The following JAK3 variants were observed in gnomAD, a reference collection of about 807,000 sequenced individuals.
JAK3 encodes Janus kinase 3, also known as tyrosine-protein kinase JAK3.
In JAK3, 88 loss-of-function variants were observed where a neutral mutation model predicts 120.8. The ratio of observed to expected loss-of-function variants is 0.73; its 90% CI spans 0.61 to 0.87. The LOEUF (loss-of-function observed/expected upper bound fraction) is 0.87, where lower values mean the gene tolerates loss of function less well. Among genes scored for constraint, JAK3 ranks in the 40% least tolerant of loss-of-function variants. The pLI, the probability that JAK3 is intolerant of heterozygous loss-of-function variation, is 0.00. For synonymous variants in JAK3, 592 were observed against 628.6 expected, an observed-to-expected ratio of 0.94 and a Z score of 0.87; for missense variants, 1,254 against 1,501.4, an observed-to-expected ratio of 0.84 and a Z score of 2.72.
At chr19:17,835,785 C>G in intron 14 of JAK3, 139 bp downstream of exon 14, 1 of 1,046,646 alleles carries the variant, frequency 9.6e-7, no homozygotes, top group South Asian at 1.4e-5. Context: ...AGTGTTCTCA[C>G]AACCTGAACC....
At chr19:17,844,131 C>T in intron 2 of JAK3, 103 bp downstream of exon 2, 1 of 1,338,896 alleles carries the variant, frequency 7.5e-7, no homozygotes, top group Non-Finnish European at 1.0e-6. Context: ...CCCAAAGCCC[C>T]AGCTCCGATG....
At chr19:17,828,108 G>A (rs2094207440) in intron 23 of JAK3, among the ~76,000 whole-genome samples, 1 of 151,994 alleles carries the variant, frequency 6.6e-6, no homozygotes, top group African/African-American at 2.4e-5. Context: ...TTTACTCATG[G>A]GTAGGCTCCT....
chr19:17,842,729 G>GCACA lies in JAK3; in HGVS notation c.567-123_567-120dup. ...GGTGCGGCCCTAGTTGGGGCACCAG[G>GCACA]CACACACAGACTCTCATTCAGGGTC... is the stretch of plus-strand genomic sequence containing the variant. On this transcript the variant is annotated intron_variant, in intron 5 of 23. Coordinates refer to ENST00000458235, the MANE Select transcript of JAK3 (RefSeq NM_000215.4). The surrounding 1 kb of genome is among the most constrained non-coding windows in gnomAD (Gnocchi z 6.4). The GCACA allele has an allele frequency of 9.3e-7, 1 of 1,076,522 alleles. No individual in the cohort carries two copies. The highest frequency in any genetic ancestry group is 2.6e-5 in the East Asian group (1 of 38,498). The allele number at this position is 1,076,522 out of a possible 1,614,324, so 66.7% of individuals were successfully genotyped here. A position where few individuals can be genotyped will look rare whatever the true frequency, so the allele number is the denominator to read the frequency against.
rs1829028364 is a variant in JAK3, at chr19:17,829,845, A to G, written c.3207+263T>C. 4 of 581,846 alleles carry G rather than the reference A, an allele frequency of 6.9e-6. No homozygotes were observed. The South Asian group carries it at 8.6e-5, about 12-fold the overall frequency. The allele number at this position is 581,846 out of a possible 1,614,324, so 36.0% of individuals were successfully genotyped here. ...GTGCTCGGCTTTGAGCTGAGCCCTC[A>G]TAGGCACAGGTGTTCAGGAGTCTAA... On this transcript the variant is annotated intron_variant, in intron 23 of 23. Transcript: ENST00000458235.
At chr19:17,827,798 A>T (rs1320555337) in intron 23 of JAK3, among the ~76,000 whole-genome samples, 6 of 136,178 alleles carry the variant, frequency 4.4e-5, no homozygotes, top group Admixed American at 7.8e-5. Context: ...GCTACTCGGG[A>T]GTCTAAGGCA....
rs3212721 is a variant in JAK3 at position 17,843,604 on chromosome 19, G to A, written c.309-113C>T. ...GCGGAGGCCTCACAGAGCCCAGCTTGTACCTTTAACTTGCTGTGTGACCTT... is the reference window on the plus strand; with the variant it reads ...GCGGAGGCCTCACAGAGCCCAGCTTATACCTTTAACTTGCTGTGTGACCTT... On this transcript the variant is annotated intron_variant, in intron 3 of 23. Coordinates refer to ENST00000458235, the MANE Select transcript of JAK3 (RefSeq NM_000215.4). This position sits in a 1 kb window ranked among gnomAD's most constrained non-coding sequence, Gnocchi z 5.4. 1 of 1,171,250 alleles carries A rather than the reference G, an allele frequency of 8.5e-7. No homozygotes were observed. Among genetic ancestry groups the A allele is most frequent in the South Asian group, 1.2e-5 (1 of 80,522 alleles). 72.6% of individuals were successfully genotyped at this position (1,171,250 alleles called of 1,614,324 possible).
At chr19:17,830,394 G>C in intron 22 of JAK3, 109 bp downstream of exon 22, 1 of 985,742 alleles carries the variant, frequency 1.0e-6, no homozygotes, top group South Asian at 1.4e-5. Flanking sequence ...ATGATGCTGG[G>C]ACCAGGTGAC....
chr19:17,839,511 C>A lies in JAK3; in HGVS notation c.1407G>T (p.Val469=). The change falls in exon 10 of 24, where the codon GTG becomes GTT. Residue 469 remains valine (V), a synonymous_variant. Coordinates refer to ENST00000458235, the MANE Select transcript of JAK3 (RefSeq NM_000215.4). ...DGGLHVDGVA[V]TLTSCCIPRP... is the part of the protein sequence containing the mutation. ...TGGGGATACAGCAGGAAGTGAGGGTCACTGCCACCCCATCTACGTGCAGCC... is the reference window on the plus strand; with the variant it reads ...TGGGGATACAGCAGGAAGTGAGGGTAACTGCCACCCCATCTACGTGCAGCC... 1 of 1,596,500 alleles carries A rather than the reference C, an allele frequency of 6.3e-7. No homozygotes were observed. Among genetic ancestry groups the A allele is most frequent in the Non-Finnish European group, 8.5e-7 (1 of 1,171,262 alleles).
chr19:17,839,400 C>T, intron 10 of JAK3, 77 bp downstream of exon 10: 2 of 1,401,422 alleles, frequency 1.4e-6, no homozygotes, highest in South Asian at 2.5e-5. Flanking sequence ...CACTTGCCAC[C>T]CACACAGGAG....
At chr19:17,847,759 A>G (rs2094255599) in intron 1 of JAK3, among the ~76,000 whole-genome samples, 187 bp downstream of exon 1, 1 of 152,220 alleles carries the variant, frequency 6.6e-6, no homozygotes, top group South Asian at 2.1e-4. Context: ...TCAAAGCCGA[A>G]GCCCAGAGAA....
intron 10 of JAK3, chr19:17,839,123 T>C (rs1427100481): frequency 1.2e-5 from 5 of 406,824 alleles, no homozygotes; most frequent in Non-Finnish European, 2.4e-5. Context: ...CAAGTGGCAC[T>C]GTGGACAACC....
chr19:17,826,753 G>A lies in JAK3; in HGVS notation c.3365C>T (p.Ser1122Phe). 6.2e-7 allele frequency: 1 copy of A among 1,614,112 alleles called. No homozygotes were observed. The highest frequency in any genetic ancestry group is 1.1e-5 in the South Asian group (1 of 91,082). The change falls in exon 24 of 24, where the codon TCC becomes TTC. Residue 1122 changes from serine to phenylalanine, a missense_variant. Transcript: ENST00000458235. Reference protein sequence around the residue: ...AHPEGKHHSLSFS With the variant: ...AHPEGKHHSLFFS ...GTCTGCGGGCAGGAGCTATGAAAAG[G>A]ACAGGGAGTGGTGTTTGCCCTCTGG...
At chr19:17,844,025 ATG>A (rs2094246182) in intron 2 of JAK3, 125 bp from the exon 3 acceptor site, 12 of 1,313,468 alleles carry the variant, frequency 9.1e-6, no homozygotes, top group Non-Finnish European at 1.3e-5. Flanking sequence ...TGTTCCCTTC[ATG>A]TGCCGTCACA....
In JAK3 at chr19:17,831,933, C is replaced by G; in HGVS notation, c.2681-135G>C. On this transcript the variant is annotated intron_variant, in intron 19 of 23. Transcript: ENST00000458235. The surrounding 1 kb of genome is among the most constrained non-coding windows in gnomAD (Gnocchi z 5.1). The stretch of plus-strand genomic sequence containing the variant: ...TGTAATATGGGAACCGCAACAATGA[C>G]ACATTGCTAATATCTCTTGAGTACT... 9.7e-7 allele frequency: 1 copy of G among 1,034,460 alleles called. No individual in the cohort carries two copies. The highest frequency in any genetic ancestry group is 1.5e-6 in the Non-Finnish European group (1 of 681,816). The allele number at this position is 1,034,460 out of a possible 1,614,324, so 64.1% of individuals were successfully genotyped here.
intron 10 of JAK3, among the ~76,000 whole-genome samples, chr19:17,838,856 C>T (rs2094230872): frequency 6.6e-6 from 1 of 151,888 alleles, no homozygotes; most frequent in Non-Finnish European, 1.5e-5. Flanking sequence ...GCTGGGACTA[C>T]AGGAGTGTGC....
chr19:17,826,909 AC>A lies in JAK3; in HGVS notation c.3208del (p.Val1070PhefsTer5). 1 of 1,608,926 alleles carries A rather than the reference AC, an allele frequency of 6.2e-7. No individual in the cohort carries two copies. Among genetic ancestry groups the A allele is most frequent in the Non-Finnish European group, 8.5e-7 (1 of 1,179,412 alleles). On this transcript the variant is annotated frameshift_variant and splice_region_variant, in exon 24 of 24. Coordinates refer to ENST00000458235, the MANE Select transcript of JAK3 (RefSeq NM_000215.4). LOFTEE classifies it low-confidence loss of function (END_TRUNC). Reference sequence around the variant, plus strand: ...CCAGCACAGCTTCATGAGCTCGTGAACCTGAGGGGCGGGGGACAGATAATGG... The same window carrying A: ...CCAGCACAGCTTCATGAGCTCGTGAACTGAGGGGCGGGGGACAGATAATGG... ...LPAPPACPAEVHELMKLCWAP... is the reference protein window; with the variant it reads ...LPAPPACPAEXHELMKLCWAP...
In JAK3 at chr19:17,843,274, A is replaced by C; in HGVS notation, c.421-102T>G. The C allele has an allele frequency of 6.5e-7, 1 of 1,534,568 alleles. No homozygotes were observed. Among genetic ancestry groups the C allele is most frequent in the Non-Finnish European group, 8.8e-7 (1 of 1,132,506 alleles). On this transcript the variant is annotated intron_variant, in intron 4 of 23. Coordinates refer to ENST00000458235, the MANE Select transcript of JAK3 (RefSeq NM_000215.4). This position sits in a 1 kb window ranked among gnomAD's most constrained non-coding sequence, Gnocchi z 5.4. The stretch of plus-strand genomic sequence containing the variant: ...ATCCTGGGCTGACCCCCACCCCTGG[A>C]CTGCCACAGGGAGGGTCAGACGAGG...
At chr19:17,829,600 T>C (rs534016395) in intron 23 of JAK3, among the ~76,000 whole-genome samples, 7 of 152,088 alleles carry the variant, frequency 4.6e-5, no homozygotes, top group African/African-American at 1.7e-4. Flanking sequence ...CTCTAAAAAA[T>C]TATTTTTAAA....
Position 17,840,287 on chromosome 19 carries a change from A to G in JAK3, c.1197T>C (p.Tyr399=). ...LKTGGSRPGS[Y]VLRRSPQDFD... is the part of the protein sequence containing the mutation. ...AGTCCTGGGGGCTGCGGCGGAGAACATAGGAGCCAGGACGTGAGCCCCCAG... is the reference window on the plus strand; with the variant it reads ...AGTCCTGGGGGCTGCGGCGGAGAACGTAGGAGCCAGGACGTGAGCCCCCAG... Residue 399 remains tyrosine (Y), a synonymous_variant, in exon 9 of 24, where the codon TAT becomes TAC. Coordinates refer to ENST00000458235, the MANE Select transcript of JAK3 (RefSeq NM_000215.4). The G allele has an allele frequency of 6.2e-7, 1 of 1,614,044 alleles. No individual in the cohort carries two copies. The highest frequency in any genetic ancestry group is 2.2e-5 in the East Asian group (1 of 44,870).
Sources: allele counts gnomAD v4.1 joint callset (sites outside exome capture counted in the v4.1 genomes callset), GRCh38; gene constraint gnomAD v4.1.1; non-coding constraint Gnocchi (gnomAD v3.1); transcripts MANE v1.5; gene names NCBI Gene and HGNC (gene_info 2026-07-23, HGNC 2026-07-21).